The following PUM2 variants were observed in gnomAD, a reference collection of about 807,000 sequenced individuals.
PUM2 encodes pumilio RNA binding family member 2, also known as pumilio homolog 2.
A neutral mutation model predicts 124.5 loss-of-function variants in PUM2; 57 were observed. That is an observed-to-expected ratio of 0.46 (90% CI 0.37 to 0.57). The LOEUF (loss-of-function observed/expected upper bound fraction) is 0.57. PUM2 is among the 20% of genes least tolerant of loss of function. The pLI, the probability that PUM2 is intolerant of heterozygous loss-of-function variation, is 0.00. For missense variants in PUM2, 1,065 were observed against 1,290.6 expected (o/e 0.83, Z 2.68); for synonymous variants, 460 against 446.1 (o/e 1.03, Z -0.39).
intron 1 of PUM2, 161 bp downstream of exon 1, chr2:20,350,436 T>C (rs1689119016): frequency 3.1e-6 from 3 of 957,186 alleles, no homozygotes; most frequent in Non-Finnish European, 3.7e-6. Flanking sequence ...CCCCCTGCAT[T>C]GTGCGAGCGG....
At chr2:20,272,555 G>A (rs1379839184) in intron 13 of PUM2, among the ~76,000 whole-genome samples, 5 of 152,138 alleles carry the variant, frequency 3.3e-5, no homozygotes, top group African/African-American at 1.2e-4. Context: ...TGCCAATACC[G>A]TAGTTTTAGT....
At chr2:20,258,430 G>A in intron 15 of PUM2, 59 bp from the exon 16 acceptor site, 1 of 1,540,674 alleles carries the variant, frequency 6.5e-7, no homozygotes, top group Non-Finnish European at 8.9e-7. Flanking sequence ...TGTTGAACTT[G>A]AGTAAGGCAG....
At chr2:20,330,817 T>C (rs145115005) in intron 1 of PUM2, among the ~76,000 whole-genome samples, 1 of 152,238 alleles carries the variant, frequency 6.6e-6, no homozygotes, top group Non-Finnish European at 1.5e-5. Context: ...GCATCTGAAG[T>C]AGGGAGGAAG....
In PUM2 at chr2:20,308,429, T is replaced by A; in HGVS notation, c.674A>T (p.Asp225Val). 6.2e-7 allele frequency: 1 copy of A among 1,614,114 alleles called. No individual in the cohort carries two copies. Among genetic ancestry groups the A allele is most frequent in the South Asian group, 1.1e-5 (1 of 91,080 alleles). The change falls in exon 6 of 21, where the codon GAT (aspartate) becomes GTT (valine). Residue 225 changes from aspartate to valine, a missense_variant. Asp to Val is a radical substitution (Grantham distance 152). Around this residue, in one of 3 missense-constraint regions of PUM2, gnomAD observed 968 missense variants for 1,159.8 expected, o/e 0.83. Transcript: ENST00000361078. ...TTCCAGACCAACTTGTTCCATGGCA[T>A]CCAGATTCTGAGTTTCAGGATTTGA... is the stretch of plus-strand genomic sequence containing the variant. ...EFSNPETQNL[D>V]AMEQVGLESL...
chr2:20,276,781 A>G (rs909756254), intron 13 of PUM2, among the ~76,000 whole-genome samples: 5 of 152,052 alleles, frequency 3.3e-5, no homozygotes, highest in African/African-American at 1.2e-4. Context: ...CACTAAAACT[A>G]TGGGAAACTG....
In PUM2 at chr2:20,260,409, A is replaced by G; in HGVS notation, c.2283T>C (p.Asn761=). 2.5e-6 allele frequency: 4 copies of G among 1,611,808 alleles called. No individual in the cohort carries two copies. Among genetic ancestry groups the G allele is most frequent in the Non-Finnish European group, 3.4e-6 (4 of 1,178,120 alleles). ...ATTGATAGGCTGCTTGCAGAATTTC[A>G]TTAAATACCATCTGTCGCTCAGCTG... ...ATPAERQMVF[N]EILQAAYQLM... The change falls in exon 15 of 21, where the codon AAT becomes AAC. Residue 761 remains asparagine (N), a synonymous_variant. Coordinates refer to ENST00000361078, the MANE Select transcript of PUM2 (RefSeq NM_015317.5).
chr2:20,312,227 A>G lies in PUM2; in HGVS notation c.348+9T>C. The G allele has an allele frequency of 6.4e-7, 1 of 1,567,632 alleles. No homozygotes were observed. Among genetic ancestry groups the G allele is most frequent in the Non-Finnish European group, 8.7e-7 (1 of 1,145,704 alleles). On this transcript the variant is annotated intron_variant, in intron 4 of 20. Transcript: ENST00000361078. ...AAATATTAAATATTTCTTTATTCAAAATACTTACAAAATTTCCCTTCCTAA... is the reference window on the plus strand; with the variant it reads ...AAATATTAAATATTTCTTTATTCAAGATACTTACAAAATTTCCCTTCCTAA...
intron 8 of PUM2, among the ~76,000 whole-genome samples, chr2:20,296,210 T>A (rs922611892): frequency 3.3e-5 from 5 of 152,170 alleles, no homozygotes; most frequent in African/African-American, 1.2e-4. Flanking sequence ...TAAAAATCAG[T>A]CTTGGCCGGG....
At chr2:20,348,526 G>C (rs1464965350) in intron 1 of PUM2, among the ~76,000 whole-genome samples, 1 of 152,230 alleles carries the variant, frequency 6.6e-6, no homozygotes. Flanking sequence ...TGGTCACTGA[G>C]AAAATTGGCT....
Position 20,258,227 on chromosome 2 carries a change from C to T in PUM2, c.2484+16G>A, listed in dbSNP as rs374576479. 56 of 1,570,730 alleles carry T rather than the reference C, an allele frequency of 3.6e-5. No homozygotes were observed. Among genetic ancestry groups the T allele is most frequent in the Non-Finnish European group, 4.8e-5 (56 of 1,161,294 alleles). On this transcript the variant is annotated intron_variant, in intron 16 of 20. Coordinates refer to ENST00000361078, the MANE Select transcript of PUM2 (RefSeq NM_015317.5). ...GAATAAAATAATACAAAAATTTTGTCTTAACTTACAATTACCTGCTGGTCA... is the reference window on the plus strand; with the variant it reads ...GAATAAAATAATACAAAAATTTTGTTTTAACTTACAATTACCTGCTGGTCA...
At chr2:20,347,385 G>GA (rs1001645378) in intron 1 of PUM2, among the ~76,000 whole-genome samples, 6 of 151,402 alleles carry the variant, frequency 4.0e-5, no homozygotes, top group East Asian at 3.9e-4. Context: ...AGTCACTAAG[G>GA]AAAAAAAACA....
chr2:20,327,227 G>C, intron 2 of PUM2, 83 bp downstream of exon 2: 1 of 900,458 alleles, frequency 1.1e-6, no homozygotes, highest in Non-Finnish European at 1.8e-6. Context: ...TTTCCAGGAA[G>C]GGAGATGGTT....
chr2:20,256,370 T>A (rs141450280), intron 16 of PUM2, among the ~76,000 whole-genome samples, 200 bp from the exon 17 acceptor site: 2 of 152,212 alleles, frequency 1.3e-5, no homozygotes, highest in African/African-American at 2.4e-5. Flanking sequence ...TCTCTTGTAG[T>A]ATAATTAGCA....
At chr2:20,285,492 C>T (rs1036339178) in intron 10 of PUM2, among the ~76,000 whole-genome samples, 2 of 152,148 alleles carry the variant, frequency 1.3e-5, no homozygotes, top group South Asian at 2.1e-4. Flanking sequence ...GTACCTTTTA[C>T]GTATTGGGAA....
chr2:20,266,066 CTAA>C (rs1335116650), intron 13 of PUM2, among the ~76,000 whole-genome samples: 2 of 152,246 alleles, frequency 1.3e-5, no homozygotes, highest in East Asian at 3.9e-4. Context: ...TATACAATAT[CTAA>C]TAATATTACA....
intron 1 of PUM2, among the ~76,000 whole-genome samples, chr2:20,329,358 G>C (rs769425882): frequency 6.6e-6 from 1 of 150,440 alleles, no homozygotes; most frequent in Non-Finnish European, 1.5e-5. Flanking sequence ...CTTGAGCCCA[G>C]GAAGTGAAGG....
rs1012542236 is a variant in PUM2 at position 20,279,457 on chromosome 2, T to C, written c.1721-638A>G. Among the ~76,000 whole-genome samples the C allele has an allele frequency of 6.6e-5, 10 of 152,250 alleles. No homozygotes were observed. In the East Asian group the frequency reaches 1.9e-3, roughly 29 times the overall value. Reference sequence around the variant, plus strand: ...AGTAACTCGACTTTTCTAAAATTAATAGCTCTCACTGTTATCAAACCAAAG... The same window carrying C: ...AGTAACTCGACTTTTCTAAAATTAACAGCTCTCACTGTTATCAAACCAAAG... On this transcript the variant is annotated intron_variant, in intron 12 of 20. Transcript: ENST00000361078.
chr2:20,263,557 T>C (rs1341716673), intron 13 of PUM2, 97 bp from the exon 14 acceptor site: 3 of 1,354,220 alleles, frequency 2.2e-6, no homozygotes, highest in Non-Finnish European at 3.0e-6. Flanking sequence ...AAAGAAATAT[T>C]TCCCCCCACT....
At chr2:20,300,350 T>C (rs895847025) in intron 7 of PUM2, among the ~76,000 whole-genome samples, 4 of 152,100 alleles carry the variant, frequency 2.6e-5, no homozygotes, top group African/African-American at 7.2e-5. Flanking sequence ...GGTTTCTCCA[T>C]GTTGGTCAGG....
Sources: gnomAD v4.1 joint callset for allele counts (sites outside exome capture counted in the v4.1 genomes callset) on GRCh38, gnomAD v4.1.1 for gene constraint, gnomAD v4.1.1 regional missense constraint, MANE v1.5 for transcripts, NCBI Gene and HGNC (gene_info 2026-07-23, HGNC 2026-07-21) for gene names.